The following ZNF266 variants were observed in gnomAD, a reference collection of about 807,000 sequenced individuals.
ZNF266 encodes the protein zinc finger protein 1.
Under a neutral mutation model 16.4 loss-of-function variants are expected in ZNF266, and 16 were observed. The ratio of observed to expected loss-of-function variants is 0.98; its 90% CI spans 0.66 to 1.48. The LOEUF is 1.48. ZNF266 is among the 40% of genes most tolerant of loss of function. The pLI is 0.00. For synonymous variants in ZNF266, 262 were observed against 237.9 expected (o/e 1.10, Z -0.93); for missense variants, 738 against 689.1 (o/e 1.07, Z -0.79).
At chr19:9,430,506 T>C (rs2071434740) in intron 5 of ZNF266, among the ~76,000 whole-genome samples, 2 of 152,182 alleles carry the variant, frequency 1.3e-5, no homozygotes, top group Non-Finnish European at 2.9e-5. Context: ...TTACACACAA[T>C]ACCACTAACC....
At chr19:9,422,305 C>T (rs2070047600) in intron 5 of ZNF266, among the ~76,000 whole-genome samples, 1 of 152,166 alleles carries the variant, frequency 6.6e-6, no homozygotes, top group Non-Finnish European at 1.5e-5. Context: ...TCCCCTTGAC[C>T]TGGCATGGAG....
chr19:9,427,810 G>A (rs1340184412), intron 5 of ZNF266, among the ~76,000 whole-genome samples: 2 of 152,084 alleles, frequency 1.3e-5, no homozygotes, highest in African/African-American at 2.4e-5. Context: ...GCACCGCACC[G>A]ATAACAGCCT....
intron 5 of ZNF266, among the ~76,000 whole-genome samples, chr19:9,427,902 T>C (rs897865687): frequency 9.2e-5 from 14 of 152,072 alleles, no homozygotes; most frequent in Non-Finnish European, 5.9e-5. Flanking sequence ...GGTGGCAACA[T>C]ATGCCTGATT....
chr19:9,421,195 C>A (rs2069824852), intron 5 of ZNF266, among the ~76,000 whole-genome samples: 1 of 152,098 alleles, frequency 6.6e-6, no homozygotes, highest in South Asian at 2.1e-4. Context: ...ACCAGATACA[C>A]CCCCACAAGG....
intron 5 of ZNF266, among the ~76,000 whole-genome samples, chr19:9,424,018 A>G (rs1421840018): frequency 6.6e-6 from 1 of 152,012 alleles, no homozygotes; most frequent in Admixed American, 6.6e-5. Context: ...AAAAAATAGA[A>G]TTGATGGGTG....
chr19:9,430,844 G>A lies in ZNF266; in HGVS notation c.-130+2824C>T, dbSNP rs141868645. 7.2e-5 allele frequency among the ~76,000 whole-genome samples: 11 copies of A among 152,278 alleles called. No homozygotes were observed. In the East Asian group the frequency reaches 1.5e-3, roughly 21 times the overall value. On this transcript the variant is annotated intron_variant, in intron 5 of 10. Coordinates refer to ENST00000592904, the MANE Select transcript of ZNF266 (RefSeq NM_001370374.1). ...GCCTGAGGGATAAGGCCCATGGACC[G>A]TAACAAAGGCACAGTCCCACAGGTC...
At chr19:9,417,430 A>G (rs1465600844) in intron 9 of ZNF266, among the ~76,000 whole-genome samples, 2 of 151,140 alleles carry the variant, frequency 1.3e-5, no homozygotes, top group Admixed American at 6.6e-5. Flanking sequence ...GCACATCTTA[A>G]AAAGTTTCCT....
intron 9 of ZNF266, among the ~76,000 whole-genome samples, chr19:9,417,327 G>A (rs113933374): frequency 0.022 from 3,293 of 152,118 alleles, 115 homozygotes; most frequent in African/African-American, 0.074. Context: ...AGCCGAGATC[G>A]CACCACTGCA....
At position 9,414,479 on chromosome 19, in the gene ZNF266, G is replaced by A. The variant is rs546336271; in HGVS notation, c.647C>T (p.Thr216Met). 176 of 1,614,168 alleles carry A rather than the reference G, an allele frequency of 1.1e-4. No individual in the cohort carries two copies. The highest frequency in any genetic ancestry group is 7.2e-4 in the South Asian group (66 of 91,084). The change falls in exon 11 of 11, where the codon ACG becomes ATG. Residue 216 changes from threonine to methionine, a missense_variant. Physicochemically the swap from Thr to Met is moderately conservative, Grantham distance 81. Transcript: ENST00000592904. ...SLNPDVVCQR[T>M]CTGEKAFDCS... ...ATCAAAAGCTTTCTCTCCTGTGCAC[G>A]TTCTCTGGCAAACAACATCTGGGTT...
chr19:9,416,311 T>TG (rs1448168192), intron 9 of ZNF266, among the ~76,000 whole-genome samples: 18 of 151,162 alleles, frequency 1.2e-4, no homozygotes, highest in African/African-American at 4.4e-4. Context: ...GAAGGAAAGT[T>TG]GAGGAATAGA....
intron 9 of ZNF266, among the ~76,000 whole-genome samples, chr19:9,417,556 G>A (rs748774263): frequency 2.0e-5 from 3 of 151,904 alleles, no homozygotes; most frequent in Non-Finnish European, 2.9e-5. Flanking sequence ...GTCAAACCCC[G>A]CCTCTACTAA....
intron 5 of ZNF266, among the ~76,000 whole-genome samples, chr19:9,426,388 C>T (rs1421855575): frequency 6.6e-6 from 1 of 152,042 alleles, no homozygotes; most frequent in Non-Finnish European, 1.5e-5. Flanking sequence ...AGTTCCCAGT[C>T]CTCTGTTGCC....
In ZNF266 at chr19:9,414,298, T is replaced by C. The variant is rs767522785; in HGVS notation, c.828A>G (p.Glu276=). 6.2e-7 allele frequency: 1 copy of C among 1,614,114 alleles called. No homozygotes were observed. Among genetic ancestry groups the C allele is most frequent in the Admixed American group, 1.7e-5 (1 of 60,016 alleles). The change falls in exon 11 of 11, where the codon GAA becomes GAG. Residue 276 remains glutamate, a synonymous_variant. Coordinates refer to ENST00000592904, the MANE Select transcript of ZNF266 (RefSeq NM_001370374.1). Reference sequence around the variant, plus strand: ...CACATTCCTTACATTTGTAGGGTTTTTCTGACCTGTGAGTTTGTATACGCA... The same window carrying C: ...CACATTCCTTACATTTGTAGGGTTTCTCTGACCTGTGAGTTTGTATACGCA... ...LAVRIQTHRS[E]KPYKCKECGK...
At chr19:9,431,819 C>T (rs754493165) in intron 5 of ZNF266, among the ~76,000 whole-genome samples, 24 of 152,158 alleles carry the variant, frequency 1.6e-4, no homozygotes, top group Non-Finnish European at 3.2e-4. Context: ...CCCAGAGATC[C>T]CCACCTGCTG....
chr19:9,415,382 T>C (rs1004856200), intron 10 of ZNF266, among the ~76,000 whole-genome samples: 1 of 152,224 alleles, frequency 6.6e-6, no homozygotes. Flanking sequence ...CATTATCCCT[T>C]TTGGGAATGC....
At chr19:9,434,753 C>T (rs2072202239) in intron 3 of ZNF266, 45 bp downstream of exon 3, 1 of 152,042 alleles carries the variant, frequency 6.6e-6, no homozygotes, top group Admixed American at 6.6e-5. Flanking sequence ...CACGTATTAC[C>T]AAGCATTTAA....
At position 9,414,155 on chromosome 19, in the gene ZNF266, T is replaced by C. The variant is rs748981169; in HGVS notation, c.971A>G (p.Gln324Arg). The C allele has an allele frequency of 3.7e-6, 6 of 1,613,710 alleles. No individual in the cohort carries two copies. The highest frequency in any genetic ancestry group is 4.2e-6 in the Non-Finnish European group (5 of 1,179,870). The stretch of plus-strand genomic sequence containing the variant: ...CTCTCCAGTGTGAGTTTTTCTGTGC[T>C]GAGTAAGTTGACAAGACCTGGTGAA... ...KAFTRSCQLT[Q>R]HRKTHTGEKP... The change falls in exon 11 of 11, where the codon CAG (glutamine) becomes CGG (arginine). Residue 324 changes from glutamine (Q) to arginine (R), a missense_variant. Gln to Arg is a conservative substitution (Grantham distance 43). Transcript: ENST00000592904.
chr19:9,433,518 T>C (rs1347815891), intron 5 of ZNF266, 150 bp downstream of exon 5: 1 of 152,212 alleles, frequency 6.6e-6, no homozygotes, highest in African/African-American at 2.4e-5. Flanking sequence ...ATAATTAACA[T>C]CAGTGAATTT....
chr19:9,413,414 G>A lies in ZNF266; in HGVS notation c.1712C>T (p.Ser571Phe). ...TCGTTCATGTAACTGAAACGAATTG[G>A]AGTAACTGAAGGATTTCCCACACTG... Reference protein sequence around the residue: ...CKQCGKSFSYSNSFQLHERTH... With the variant: ...CKQCGKSFSYFNSFQLHERTH... The change falls in exon 11 of 11, where the codon TCC becomes TTC. Residue 571 changes from serine (S) to phenylalanine (F), a missense_variant. Coordinates refer to ENST00000592904, the MANE Select transcript of ZNF266 (RefSeq NM_001370374.1). The A allele has an allele frequency of 6.2e-7, 1 of 1,614,074 alleles. No homozygotes were observed. Among genetic ancestry groups the A allele is most frequent in the Non-Finnish European group, 8.5e-7 (1 of 1,179,990 alleles).
Sources: gnomAD v4.1 joint callset for allele counts (sites outside exome capture counted in the v4.1 genomes callset) on GRCh38, gnomAD v4.1.1 for gene constraint, MANE v1.5 for transcripts, NCBI Gene and HGNC (gene_info 2026-07-23, HGNC 2026-07-21) for gene names.